SNX29: variants seen among roughly 807,000 people sequenced by gnomAD.
SNX29 encodes sorting nexin 29.
SNX29 carries 78 observed loss-of-function variants against 102.1 expected under a neutral mutation model. That is an observed-to-expected ratio of 0.76 (90% confidence interval 0.64 to 0.92). The LOEUF (loss-of-function observed/expected upper bound fraction) is 0.92, where lower values mean the gene tolerates loss of function less well. SNX29 is among the 40% of genes least tolerant of loss of function. SNX29 has a pLI of 0.00. For missense variants in SNX29, 1,280 were observed against 1,061.7 expected, an observed-to-expected ratio of 1.21 and a Z score of -2.86; for synonymous variants, 580 against 414.5, an observed-to-expected ratio of 1.40 and a Z score of -4.85.
intron 9 of SNX29, among the ~76,000 whole-genome samples, chr16:12,062,833 G>GGCAGGGCGGGGACAGTCACTGGCA (rs2050835478): frequency 6.6e-6 from 1 of 152,194 alleles, no homozygotes. Flanking sequence ...GAAGCACAGA[G>GGCAGGGCGGGGACAGTCACTGGCA]GCAGGGCGGG....
At chr16:12,318,533 G>A (rs2080829054) in intron 15 of SNX29, among the ~76,000 whole-genome samples, 1 of 152,094 alleles carries the variant, frequency 6.6e-6, no homozygotes, top group South Asian at 2.1e-4. Flanking sequence ...GGAAGAGTGA[G>A]CAACTCACAG....
At chr16:12,546,849 C>A (rs937786960) in intron 20 of SNX29, among the ~76,000 whole-genome samples, 98 of 152,152 alleles carry the variant, frequency 6.4e-4, no homozygotes, top group African/African-American at 2.2e-3. Context: ...TAAGATTATA[C>A]AGTCACCAGT....
intron 18 of SNX29, among the ~76,000 whole-genome samples, chr16:12,446,993 C>T (rs540318426): frequency 4.5e-4 from 68 of 151,082 alleles, no homozygotes; most frequent in Non-Finnish European, 6.6e-4. Flanking sequence ...GGTGAGACCC[C>T]GTCTCTACTA....
At position 12,398,596 on chromosome 16, in the gene SNX29, A is replaced by C. The variant is rs960417227; in HGVS notation, c.1955+95A>C. ...AAGACCACAGGGGGAAACAGAAATC[A>C]CTGTTGAGACCCACACAAGGTTGAT... On this transcript the variant is annotated intron_variant, in intron 17 of 20. Coordinates refer to ENST00000566228, the MANE Select transcript of SNX29 (RefSeq NM_032167.5). 1.6e-5 allele frequency: 22 copies of C among 1,376,960 alleles called. No individual in the cohort carries two copies. The Admixed American group carries it at 2.7e-4, about 17-fold the overall frequency. The allele number at this position is 1,376,960 out of a possible 1,614,324, so 85.3% of individuals were successfully genotyped here. A position where few individuals can be genotyped will look rare whatever the true frequency, so the allele number is the denominator to read the frequency against.
intron 13 of SNX29, among the ~76,000 whole-genome samples, chr16:12,132,546 C>T (rs2054507425): frequency 6.6e-6 from 1 of 152,194 alleles, no homozygotes; most frequent in Admixed American, 6.5e-5. Context: ...ATGATCTCAT[C>T]TAGCTGAAGG....
At chr16:12,400,511 G>C (rs1329992197) in intron 17 of SNX29, among the ~76,000 whole-genome samples, 2 of 152,132 alleles carry the variant, frequency 1.3e-5, no homozygotes, top group Non-Finnish European at 2.9e-5. Context: ...TTATTCCCCT[G>C]CCTGAAGCAC....
intron 10 of SNX29, among the ~76,000 whole-genome samples, chr16:12,072,966 G>A (rs1397005647): frequency 1.3e-5 from 2 of 152,142 alleles, no homozygotes; most frequent in African/African-American, 4.8e-5. Context: ...AGAGGTGTTT[G>A]TAGTATACTC....
At chr16:12,282,591 G>A (rs1286668357) in intron 15 of SNX29, among the ~76,000 whole-genome samples, 1 of 152,208 alleles carries the variant, frequency 6.6e-6, no homozygotes, top group African/African-American at 2.4e-5. Context: ...CGTAAAGAAT[G>A]ATAAATGTGA....
intron 20 of SNX29, among the ~76,000 whole-genome samples, chr16:12,527,998 T>TTA (rs1431793428): frequency 1.3e-5 from 2 of 151,122 alleles, no homozygotes; most frequent in African/African-American, 4.9e-5. Flanking sequence ...CTATTTTTTT[T>TTA]TTATTTTTAG....
chr16:12,387,331 T>C (rs549544139), intron 16 of SNX29, among the ~76,000 whole-genome samples: 2 of 152,176 alleles, frequency 1.3e-5, no homozygotes. Flanking sequence ...CGGTGCCCCA[T>C]TCTTCCCAGG....
chr16:12,514,493 C>T (rs2089774361), intron 19 of SNX29, among the ~76,000 whole-genome samples: 1 of 152,174 alleles, frequency 6.6e-6, no homozygotes, highest in African/African-American at 2.4e-5. Flanking sequence ...ATTCTTGTTT[C>T]TACCCCCCAA....
intron 14 of SNX29, among the ~76,000 whole-genome samples, chr16:12,255,785 A>C (rs952907800): frequency 6.6e-6 from 1 of 152,198 alleles, no homozygotes; most frequent in African/African-American, 2.4e-5. Flanking sequence ...GTTGATGGAC[A>C]CAGGTTGATT....
intron 8 of SNX29, among the ~76,000 whole-genome samples, chr16:12,057,542 A>G (rs537539210): frequency 6.6e-6 from 1 of 152,324 alleles, no homozygotes; most frequent in Admixed American, 6.5e-5. Context: ...TAGCAGTCCC[A>G]GTGCGAGAAG....
chr16:12,483,864 G>A (rs1051110883), intron 19 of SNX29, among the ~76,000 whole-genome samples: 2 of 152,226 alleles, frequency 1.3e-5, no homozygotes, highest in Non-Finnish European at 2.9e-5. Context: ...CTGCCTGGAA[G>A]TGATACATGG....
At chr16:12,472,535 A>C (rs1315867809) in intron 18 of SNX29, among the ~76,000 whole-genome samples, 1 of 149,658 alleles carries the variant, frequency 6.7e-6, no homozygotes, top group Non-Finnish European at 1.5e-5. Context: ...AAACCAAAAA[A>C]AAAAAAAACA....
chr16:12,087,733 A>T (rs1279374326), intron 11 of SNX29: 2 of 408,776 alleles, frequency 4.9e-6, no homozygotes, highest in African/African-American at 4.1e-5. Context: ...TACAGATGAG[A>T]AAGTCACTGA....
At chr16:12,311,964 G>C (rs575830709) in intron 15 of SNX29, among the ~76,000 whole-genome samples, 1 of 152,330 alleles carries the variant, frequency 6.6e-6, no homozygotes, top group African/African-American at 2.4e-5. Flanking sequence ...CCGGGGCCCA[G>C]GTTTCTTCTG....
chr16:12,199,668 G>T lies in SNX29; in HGVS notation c.1663G>T (p.Gly555Cys). 1.9e-6 allele frequency: 3 copies of T among 1,612,066 alleles called. No homozygotes were observed. Among genetic ancestry groups the T allele is most frequent in the Middle Eastern group, 1.7e-4 (1 of 6,058 alleles). Residue 555 changes from glycine (G) to cysteine (C), a missense_variant, in exon 14 of 21, where the codon GGT becomes TGT. Coordinates refer to ENST00000566228, the MANE Select transcript of SNX29 (RefSeq NM_032167.5). ...VGAVQMLKRE[G>C]QTAEVPNLWS... is the part of the protein sequence containing the mutation. ...AGCTGTCCAGATGCTGAAAAGAGAA[G>T]GTCAAACAGCTGAAGGTGAGGGGGA...
chr16:12,560,107 G>A (rs1054714544), intron 20 of SNX29, among the ~76,000 whole-genome samples: 3 of 151,604 alleles, frequency 2.0e-5, no homozygotes, highest in African/African-American at 7.3e-5. Context: ...AGGATGAGTT[G>A]ACAAGCTATT....
Sources: gnomAD v4.1 joint callset for allele counts (sites outside exome capture counted in the v4.1 genomes callset) on GRCh38, gnomAD v4.1.1 for gene constraint, MANE v1.5 for transcripts, NCBI Gene and HGNC (gene_info 2026-07-23, HGNC 2026-07-21) for gene names.